The following PLCG2 variants were observed in gnomAD, a reference collection of about 807,000 sequenced individuals.
PLCG2 encodes the protein 1-phosphatidylinositol 4,5-bisphosphate phosphodiesterase gamma-2.
Under a neutral mutation model 175.6 loss-of-function variants are expected in PLCG2, and 69 were observed. The ratio of observed to expected loss-of-function variants is 0.39; its 90% CI spans 0.32 to 0.48. PLCG2 has a LOEUF of 0.48. PLCG2 is among the 20% of genes least tolerant of loss of function. PLCG2 has a pLI of 0.91. For synonymous variants in PLCG2, 827 were observed against 624.0 expected (o/e 1.33, Z -4.85); for missense variants, 1,798 against 1,650.9 (o/e 1.09, Z -1.54).
chr16:81,869,968 A>T (rs188893453), intron 6 of PLCG2, among the ~76,000 whole-genome samples: 17 of 152,196 alleles, frequency 1.1e-4, no homozygotes, highest in Non-Finnish European at 1.8e-4. Context: ...GAGGACTCCA[A>T]TGCCCATTTT....
intron 2 of PLCG2, among the ~76,000 whole-genome samples, chr16:81,772,647 TA>T (rs1371767804): frequency 1.2e-5 from 1 of 81,296 alleles, no homozygotes; most frequent in Middle Eastern, 7.4e-3. Context: ...CTGTTTCTAC[TA>T]AAAATACAAA....
chr16:81,901,462 A>C (rs1436400490), intron 14 of PLCG2, among the ~76,000 whole-genome samples: 4 of 152,182 alleles, frequency 2.6e-5, no homozygotes, highest in African/African-American at 4.8e-5. Context: ...CCACAAGGTG[A>C]CTCAGGGACC....
intron 2 of PLCG2, among the ~76,000 whole-genome samples, chr16:81,819,357 C>T (rs1006428180): frequency 2.6e-5 from 4 of 152,144 alleles, no homozygotes; most frequent in Non-Finnish European, 4.4e-5. Flanking sequence ...TCTGAGGCTT[C>T]ATCTGGTACC....
Position 81,961,207 on chromosome 16 carries a change from G to C in PLCG2, c.*3209G>C. ...AATTCAGTGATTCTGCTATCATAAA[G>C]CTTCCGTTCCCATTGATGTATCTGT... On this transcript the variant is annotated 3_prime_UTR_variant, in exon 33 of 33. Coordinates refer to ENST00000564138, the MANE Select transcript of PLCG2 (RefSeq NM_002661.5). The C allele has an allele frequency of 4.4e-6, 1 of 227,148 alleles. No homozygotes were observed. Among genetic ancestry groups the C allele is most frequent in the Non-Finnish European group, 8.7e-6 (1 of 114,392 alleles). The allele number at this position is 227,148 out of a possible 1,614,324, so 14.1% of individuals were successfully genotyped here.
At chr16:81,857,457 T>G (rs1296721437) in intron 3 of PLCG2, among the ~76,000 whole-genome samples, 1 of 152,200 alleles carries the variant, frequency 6.6e-6, no homozygotes, top group African/African-American at 2.4e-5. Context: ...GACTGGGGGT[T>G]TAAACATCAG....
chr16:81,869,384 C>A, intron 6 of PLCG2, 86 bp downstream of exon 6: 4 of 924,888 alleles, frequency 4.3e-6, no homozygotes, highest in South Asian at 4.0e-5. Flanking sequence ...CTTTGAGTTC[C>A]GTGGAATAGT....
rs190135183 is a variant in PLCG2 at position 81,815,455 on chromosome 16, A to G, written c.193+29273A>G. Reference sequence around the variant, plus strand: ...CCAGCGGGAAACTGCAGGGGCTGAGAGACCACCCCCTAGAGGCTTCCTCAT... The same window carrying G: ...CCAGCGGGAAACTGCAGGGGCTGAGGGACCACCCCCTAGAGGCTTCCTCAT... On this transcript the variant is annotated intron_variant, in intron 2 of 32. Coordinates refer to ENST00000564138, the MANE Select transcript of PLCG2 (RefSeq NM_002661.5). Among the ~76,000 whole-genome samples the G allele has an allele frequency of 3.3e-5, 5 of 152,316 alleles. No individual in the cohort carries two copies. In the East Asian group the frequency reaches 5.8e-4, roughly 18 times the overall value.
intron 14 of PLCG2, among the ~76,000 whole-genome samples, chr16:81,903,856 T>C (rs1263209355): frequency 1.3e-5 from 2 of 152,338 alleles, no homozygotes; most frequent in East Asian, 1.9e-4. Flanking sequence ...GAGCACCCTC[T>C]GCCCCACACC....
rs942610036 is a variant in PLCG2, at chr16:81,959,050, G to T, written c.*1052G>T. 2.3e-4 allele frequency: 52 copies of T among 222,716 alleles called. No individual in the cohort carries two copies. Among genetic ancestry groups the T allele is most frequent in the East Asian group, 6.5e-5 (1 of 15,330 alleles). 13.8% of individuals were successfully genotyped at this position (222,716 alleles called of 1,614,324 possible). A position where few individuals can be genotyped will look rare whatever the true frequency, so the allele number is the denominator to read the frequency against. On this transcript the variant is annotated 3_prime_UTR_variant, in exon 33 of 33. Coordinates refer to ENST00000564138, the MANE Select transcript of PLCG2 (RefSeq NM_002661.5). The stretch of plus-strand genomic sequence containing the variant: ...CGGCTGGCCAGGGCTTTACACCTCT[G>T]CATCTTAAGTTGTTAATACATACCA...
chr16:81,779,035 C>T (rs149216298), upstream of PLCG2, among the ~76,000 whole-genome samples: 2,124 of 152,286 alleles, frequency 0.014, 49 homozygotes, highest in African/African-American at 0.046. Flanking sequence ...TTGGGGAATT[C>T]CCTTTGCACC....
intron 31 of PLCG2, among the ~76,000 whole-genome samples, chr16:81,956,156 G>A (rs562926774): frequency 6.6e-6 from 1 of 152,266 alleles, no homozygotes. Flanking sequence ...CGTGTGATTT[G>A]TGATCTTTTA....
chr16:81,899,340 A>G (rs1909041785), intron 13 of PLCG2, among the ~76,000 whole-genome samples: 1 of 151,978 alleles, frequency 6.6e-6, no homozygotes, highest in Admixed American at 6.6e-5. Context: ...GTATATATGT[A>G]TATACATGTA....
At chr16:81,927,263 A>T (rs1306748444) in intron 23 of PLCG2, 85 bp downstream of exon 23, 6 of 877,300 alleles carry the variant, frequency 6.8e-6, no homozygotes, top group Non-Finnish European at 9.6e-6. Context: ...TCAGTGGGTG[A>T]ATTTTTCCAT....
At chr16:81,944,283 CAAG>C (rs1274341821) in intron 30 of PLCG2, among the ~76,000 whole-genome samples, 1 of 147,054 alleles carries the variant, frequency 6.8e-6, no homozygotes, top group African/African-American at 2.4e-5. Context: ...CTCAACCAAC[CAAG>C]CTTGGGTTGA....
At chr16:81,808,366 C>T (rs1040636036) in intron 2 of PLCG2, among the ~76,000 whole-genome samples, 1 of 152,038 alleles carries the variant, frequency 6.6e-6, no homozygotes, top group African/African-American at 2.4e-5. Flanking sequence ...TCCAGGGCAC[C>T]CTTTTAGAGA....
rs374312954 is a variant in PLCG2 at position 81,942,799 on chromosome 16, T to A, written c.3481+2740T>A. On this transcript the variant is annotated intron_variant, in intron 30 of 32. Coordinates refer to ENST00000564138, the MANE Select transcript of PLCG2 (RefSeq NM_002661.5). ...TTAATTTCGAACCCCGTGTTCCTCC[T>A]CTGCAGGCTGCCCTCTCACTGGGTG... 6.8e-4 allele frequency among the ~76,000 whole-genome samples: 103 copies of A among 152,312 alleles called. 1 individual carries two copies. The East Asian group carries it at 0.013, about 19-fold the overall frequency.
intron 17 of PLCG2, among the ~76,000 whole-genome samples, chr16:81,909,844 A>G (rs1909539312): frequency 6.6e-6 from 1 of 152,312 alleles, no homozygotes; most frequent in East Asian, 1.9e-4. Context: ...TTTGAGGTGG[A>G]TACTGTTATC....
intron 2 of PLCG2, among the ~76,000 whole-genome samples, chr16:81,828,928 T>C (rs975392632): frequency 6.6e-6 from 1 of 152,124 alleles, no homozygotes; most frequent in Non-Finnish European, 1.5e-5. Flanking sequence ...TGCATTCTGA[T>C]TTTACAGGAG....
At chr16:81,824,197 G>A (rs150896141) in intron 2 of PLCG2, among the ~76,000 whole-genome samples, 3 of 149,908 alleles carry the variant, frequency 2.0e-5, no homozygotes, top group East Asian at 2.0e-4. Flanking sequence ...GCAATGGCGT[G>A]ATCTCAGCTC....
Sources: gnomAD v4.1 joint callset for allele counts (sites outside exome capture counted in the v4.1 genomes callset) on GRCh38, gnomAD v4.1.1 for gene constraint, MANE v1.5 for transcripts, NCBI Gene and HGNC (gene_info 2026-07-23, HGNC 2026-07-21) for gene names.